SPOCK3: variants seen among roughly 807,000 people sequenced by gnomAD.
The protein encoded by SPOCK3 is testican-3.
In SPOCK3, 30 loss-of-function variants were observed where a neutral mutation model predicts 56.6. The ratio of observed to expected loss-of-function variants is 0.53; its 90% CI spans 0.40 to 0.72. The LOEUF (loss-of-function observed/expected upper bound fraction) is 0.72, where lower values mean the gene tolerates loss of function less well. SPOCK3 is among the 30% of genes least tolerant of loss of function. SPOCK3 has a pLI of 0.00. For synonymous variants in SPOCK3, 196 were observed against 183.3 expected (o/e 1.07, Z -0.56); for missense variants, 527 against 530.0 (o/e 0.99, Z 0.06).
chr4:166,994,012 T>G (rs1748088374), intron 4 of SPOCK3, among the ~76,000 whole-genome samples: 1 of 152,168 alleles, frequency 6.6e-6, no homozygotes, highest in African/African-American at 2.4e-5. Context: ...GAAATGGAGA[T>G]GGAGCCAGAC....
At chr4:166,857,456 T>G (rs1730811920) in intron 6 of SPOCK3, among the ~76,000 whole-genome samples, 1 of 152,210 alleles carries the variant, frequency 6.6e-6, no homozygotes. Flanking sequence ...TGCTCCAGCT[T>G]CGGTATTTCA....
chr4:167,083,112 G>C, intron 2 of SPOCK3: 1 of 754,570 alleles, frequency 1.3e-6, no homozygotes, highest in Non-Finnish European at 2.4e-6. Flanking sequence ...ATGAATGAGT[G>C]GTACTTCTTA....
chr4:167,037,335 A>T (rs2150193015), intron 3 of SPOCK3, among the ~76,000 whole-genome samples: 1 of 152,144 alleles, frequency 6.6e-6, no homozygotes, highest in African/African-American at 2.4e-5. Flanking sequence ...TACAAAAATT[A>T]GCCCGGCGTG....
chr4:167,195,498 A>G (rs1282378151), intron 2 of SPOCK3, among the ~76,000 whole-genome samples: 2 of 152,156 alleles, frequency 1.3e-5, no homozygotes, highest in East Asian at 3.9e-4. Flanking sequence ...GTGGGCCTGC[A>G]TCTGAGGGCA....
intron 2 of SPOCK3, among the ~76,000 whole-genome samples, chr4:167,154,972 T>C (rs955504155): frequency 2.0e-5 from 3 of 152,192 alleles, no homozygotes; most frequent in Non-Finnish European, 4.4e-5. Flanking sequence ...ATTATCCTAA[T>C]GTTTTGCCTT....
At chr4:167,018,603 G>C (rs1302967497) in intron 3 of SPOCK3, among the ~76,000 whole-genome samples, 1 of 151,992 alleles carries the variant, frequency 6.6e-6, no homozygotes, top group Non-Finnish European at 1.5e-5. Flanking sequence ...TGTTTCTTTG[G>C]AGATTCTCCT....
chr4:167,093,781 C>A (rs564364647), intron 2 of SPOCK3, among the ~76,000 whole-genome samples: 1 of 152,024 alleles, frequency 6.6e-6, no homozygotes, highest in Non-Finnish European at 1.5e-5. Context: ...TATAGTAGAA[C>A]GATTTATAAT....
At position 167,000,486 on chromosome 4, in the gene SPOCK3, A is replaced by G. The variant is rs576645951; in HGVS notation, c.236-23T>C. 5.1e-5 allele frequency: 62 copies of G among 1,224,154 alleles called. No homozygotes were observed. The South Asian group carries it at 7.9e-4, about 16-fold the overall frequency. 75.8% of individuals were successfully genotyped at this position (1,224,154 alleles called of 1,614,324 possible). ...AAGCTAAAAAAATTGCAAAGAAAAT[A>G]TTAAAATAAGCTTCTGTAAAATGGA... On this transcript the variant is annotated intron_variant, in intron 3 of 10. Coordinates refer to ENST00000357545, the MANE Select transcript of SPOCK3 (RefSeq NM_001040159.2).
At chr4:167,204,528 C>G (rs547066117) in intron 2 of SPOCK3, among the ~76,000 whole-genome samples, 1 of 152,134 alleles carries the variant, frequency 6.6e-6, no homozygotes. Flanking sequence ...CATCCACTAT[C>G]ATGAGAACAC....
intron 2 of SPOCK3, among the ~76,000 whole-genome samples, chr4:167,188,208 T>A (rs987296125): frequency 6.8e-6 from 1 of 146,256 alleles, no homozygotes; most frequent in Non-Finnish European, 1.5e-5. Context: ...GCCCGCTGTA[T>A]TGATTATGAC....
At chr4:166,902,190 T>A (rs1446268660) in intron 5 of SPOCK3, among the ~76,000 whole-genome samples, 1 of 152,180 alleles carries the variant, frequency 6.6e-6, no homozygotes, top group African/African-American at 2.4e-5. Context: ...TTTCCACCGT[T>A]TTCTGAATCA....
chr4:167,180,308 C>G (rs565755712), intron 2 of SPOCK3, among the ~76,000 whole-genome samples: 1 of 152,152 alleles, frequency 6.6e-6, no homozygotes, highest in East Asian at 1.9e-4. Context: ...GAGGATGATT[C>G]CACTCATACA....
At position 167,098,411 on chromosome 4, in the gene SPOCK3, T is replaced by G. The variant is rs989336655; in HGVS notation, c.190-35874A>C. ...TTAATTTTTAAATGTTCCTAGAACT[T>G]TGTGACTCAGTGGCTTCTGCTGCAG... On this transcript the variant is annotated intron_variant, in intron 2 of 10. Transcript: ENST00000357545. 1.3e-5 allele frequency among the ~76,000 whole-genome samples: 2 copies of G among 152,058 alleles called. 1 individual carries two copies. The highest frequency in any genetic ancestry group is 4.8e-5 in the African/African-American group (2 of 41,442).
chr4:167,133,026 A>G (rs2150384703), intron 2 of SPOCK3, among the ~76,000 whole-genome samples: 1 of 152,320 alleles, frequency 6.6e-6, no homozygotes, highest in Non-Finnish European at 1.5e-5. Flanking sequence ...TATTATCATT[A>G]TATAAACATT....
chr4:167,000,661 C>G (rs987977145), intron 3 of SPOCK3, among the ~76,000 whole-genome samples, 198 bp from the exon 4 acceptor site: 1 of 152,166 alleles, frequency 6.6e-6, no homozygotes, highest in Admixed American at 6.6e-5. Context: ...GTCTCATCCA[C>G]TCTATTCAGA....
At position 166,936,216 on chromosome 4, in the gene SPOCK3, C is replaced by A. The variant is rs190570232; in HGVS notation, c.351-23473G>T. 2.6e-4 allele frequency among the ~76,000 whole-genome samples: 40 copies of A among 152,142 alleles called. 1 individual carries two copies. In the East Asian group the frequency reaches 7.2e-3, roughly 27 times the overall value. ...GCATTATCATTTTACATAGGCTTGA[C>A]TATGCTAATTTTAAAAAAGAATTTA... On this transcript the variant is annotated intron_variant, in intron 4 of 10. Coordinates refer to ENST00000357545, the MANE Select transcript of SPOCK3 (RefSeq NM_001040159.2).
intron 2 of SPOCK3, among the ~76,000 whole-genome samples, chr4:167,172,133 C>T (rs140917634): frequency 3.3e-5 from 5 of 152,250 alleles, no homozygotes; most frequent in East Asian, 3.9e-4. Flanking sequence ...GCAGTGGGCA[C>T]TCAAGACAGG....
intron 5 of SPOCK3, among the ~76,000 whole-genome samples, chr4:166,892,778 C>A (rs1734925237): frequency 6.6e-6 from 1 of 151,986 alleles, no homozygotes; most frequent in African/African-American, 2.4e-5. Flanking sequence ...AGCAAGCCTG[C>A]AGAATGATTT....
chr4:166,945,403 C>A (rs1040449094), intron 4 of SPOCK3, among the ~76,000 whole-genome samples: 5 of 152,236 alleles, frequency 3.3e-5, no homozygotes, highest in East Asian at 1.9e-4. Flanking sequence ...TTTATTATGA[C>A]TTCCTCCCTT....
Sources: gnomAD v4.1 joint callset for allele counts (sites outside exome capture counted in the v4.1 genomes callset) on GRCh38, gnomAD v4.1.1 for gene constraint, MANE v1.5 for transcripts, NCBI Gene and HGNC (gene_info 2026-07-23, HGNC 2026-07-21) for gene names.